Variants in ATP2C1 observed in about 807,000 individuals in gnomAD.
ATP2C1 encodes ATPase secretory pathway Ca2+ transporting 1, also known as calcium-transporting ATPase type 2C member 1.
A neutral mutation model predicts 120.5 loss-of-function variants in ATP2C1; 31 were observed. The ratio of observed to expected loss-of-function variants is 0.26; its 90% CI spans 0.19 to 0.35. The LOEUF (loss-of-function observed/expected upper bound fraction) is 0.35, where lower values mean the gene tolerates loss of function less well. ATP2C1 is among the 10% of genes least tolerant of loss of function. The probability of loss-of-function intolerance (pLI) is 1.00; values close to 1 mark genes in which losing one functional copy is unlikely to be tolerated. For synonymous variants in ATP2C1, 351 were observed against 358.7 expected, an observed-to-expected ratio of 0.98 and a Z score of 0.24; for missense variants, 731 against 1,107.5, an observed-to-expected ratio of 0.66 and a Z score of 4.83.
chr3:130,995,336 C>T (rs2062561199), intron 22 of ATP2C1, among the ~76,000 whole-genome samples: 1 of 151,646 alleles, frequency 6.6e-6, no homozygotes, highest in East Asian at 1.9e-4. Flanking sequence ...ATTGCTTGAG[C>T]CAAGAAGGTC....
rs772835113 is a variant in ATP2C1, at chr3:130,956,203, A to G, written c.832+24A>G. ...AGGTAAGAGAAGAGTGAGTATGTAT[A>G]TATTTTTATTTGAGTTTTGTTTTTT... is the stretch of plus-strand genomic sequence containing the variant. On this transcript the variant is annotated intron_variant, in intron 11 of 27. Transcript: ENST00000510168. 4.1e-6 allele frequency: 6 copies of G among 1,466,140 alleles called. No homozygotes were observed. The Admixed American group carries it at 5.1e-5, about 12-fold the overall frequency. 90.8% of individuals were successfully genotyped at this position (1,466,140 alleles called of 1,614,324 possible). A position where few individuals can be genotyped will look rare whatever the true frequency, so the allele number is the denominator to read the frequency against.
At chr3:130,989,352 G>T (rs1420027081) in intron 20 of ATP2C1, among the ~76,000 whole-genome samples, 1 of 151,786 alleles carries the variant, frequency 6.6e-6, no homozygotes, top group East Asian at 1.9e-4. Flanking sequence ...ATCATCTGAG[G>T]TTGGGAGTTC....
At chr3:130,865,094 A>G (rs2068125968) in intron 1 of ATP2C1, among the ~76,000 whole-genome samples, 2 of 152,222 alleles carry the variant, frequency 1.3e-5, no homozygotes, top group Admixed American at 1.3e-4. Context: ...CTGCAAAGCC[A>G]CAGGGGTGGA....
intron 2 of ATP2C1, among the ~76,000 whole-genome samples, chr3:130,915,325 C>G (rs1259790653): frequency 6.6e-6 from 1 of 152,096 alleles, no homozygotes; most frequent in African/African-American, 2.4e-5. Flanking sequence ...AACTCCTGAC[C>G]TCAAGTGATC....
Position 130,979,346 on chromosome 3 carries a change from T to G in ATP2C1, c.1668T>G (p.Val556=). 6.2e-7 allele frequency: 1 copy of G among 1,613,742 alleles called. No individual in the cohort carries two copies. The highest frequency in any genetic ancestry group is 8.5e-7 in the Non-Finnish European group (1 of 1,179,756). ...DPPRTGVKEA[V]TTLIASGVSI... Reference sequence around the variant, plus strand: ...CTAGAACTGGTGTGAAAGAAGCTGTTACAACACTCATTGCCTCAGGAGTAT... The same window carrying G: ...CTAGAACTGGTGTGAAAGAAGCTGTGACAACACTCATTGCCTCAGGAGTAT... The change falls in exon 19 of 28, where the codon GTT becomes GTG. Residue 556 remains valine, a synonymous_variant. Coordinates refer to ENST00000510168, the MANE Select transcript of ATP2C1 (RefSeq NM_001378687.1).
intron 2 of ATP2C1, chr3:130,918,576 G>C (rs374949182): frequency 9.6e-6 from 7 of 730,556 alleles, no homozygotes; most frequent in African/African-American, 8.6e-5. Flanking sequence ...CCAGCGCCCT[G>C]GCCATAAACT....
intron 1 of ATP2C1, among the ~76,000 whole-genome samples, chr3:130,867,484 G>A (rs1267938216): frequency 1.3e-5 from 2 of 149,646 alleles, no homozygotes; most frequent in African/African-American, 2.5e-5. Flanking sequence ...TGGAGACGGG[G>A]TTTCGCTGTG....
chr3:130,976,179 A>C (rs562615873), intron 18 of ATP2C1, among the ~76,000 whole-genome samples: 139 of 152,350 alleles, frequency 9.1e-4, no homozygotes, highest in African/African-American at 3.2e-3. Flanking sequence ...ATAGGAGTCT[A>C]AGCACTACAA....
At chr3:130,983,799 C>G (rs72985781) in intron 20 of ATP2C1, among the ~76,000 whole-genome samples, 71 of 152,236 alleles carry the variant, frequency 4.7e-4, no homozygotes, top group African/African-American at 1.7e-3. Flanking sequence ...TTTCACTAAG[C>G]AACATGCATT....
intron 16 of ATP2C1, among the ~76,000 whole-genome samples, chr3:130,968,332 G>A (rs1440328796): frequency 6.6e-6 from 1 of 152,090 alleles, no homozygotes; most frequent in Non-Finnish European, 1.5e-5. Flanking sequence ...CTTTTTATGG[G>A]CAGAGACCTC....
chr3:130,962,413 T>G (rs2060858810), intron 12 of ATP2C1, among the ~76,000 whole-genome samples: 1 of 151,888 alleles, frequency 6.6e-6, no homozygotes, highest in South Asian at 2.1e-4. Context: ...TAGCGCCTGT[T>G]AGAAATATTT....
At chr3:130,885,550 C>G (rs1046743380) in intron 1 of ATP2C1, among the ~76,000 whole-genome samples, 1 of 151,566 alleles carries the variant, frequency 6.6e-6, no homozygotes, top group South Asian at 2.1e-4. Flanking sequence ...ATCTTATAAC[C>G]CATTATTTTA....
At chr3:130,931,685 TA>T (rs1197851887) in intron 3 of ATP2C1, among the ~76,000 whole-genome samples, 1 of 152,212 alleles carries the variant, frequency 6.6e-6, no homozygotes, top group East Asian at 1.9e-4. Context: ...ACATTTTTTT[TA>T]AAAAATCAAT....
intron 2 of ATP2C1, among the ~76,000 whole-genome samples, chr3:130,915,102 T>C (rs535200893): frequency 7.3e-4 from 109 of 149,884 alleles, no homozygotes; most frequent in Middle Eastern, 6.9e-3. Context: ...TTTTTTTTTT[T>C]CCCCCCCTTG....
At chr3:130,932,615 C>T (rs2059495603) in intron 4 of ATP2C1, among the ~76,000 whole-genome samples, 1 of 151,984 alleles carries the variant, frequency 6.6e-6, no homozygotes, top group South Asian at 2.1e-4. Flanking sequence ...ATAGTTAGCT[C>T]TCAGTAGATG....
chr3:130,961,821 G>T (rs1345002166), intron 12 of ATP2C1, among the ~76,000 whole-genome samples: 1 of 151,988 alleles, frequency 6.6e-6, no homozygotes, highest in Non-Finnish European at 1.5e-5. Context: ...CAAATCAGAA[G>T]ATCAGTGCAA....
intron 2 of ATP2C1, among the ~76,000 whole-genome samples, chr3:130,904,014 G>T (rs2058006730): frequency 6.6e-6 from 1 of 152,082 alleles, no homozygotes; most frequent in East Asian, 1.9e-4. Flanking sequence ...TTCAGATGTA[G>T]TTAACTGTTG....
intron 1 of ATP2C1, among the ~76,000 whole-genome samples, chr3:130,874,267 G>A (rs964579568): frequency 6.6e-5 from 10 of 152,076 alleles, no homozygotes; most frequent in Admixed American, 2.6e-4. Context: ...GAGTGATAAG[G>A]AAAACTTGTC....
chr3:130,908,334 A>G (rs1215302854), intron 2 of ATP2C1, among the ~76,000 whole-genome samples: 1 of 152,126 alleles, frequency 6.6e-6, no homozygotes, highest in Non-Finnish European at 1.5e-5. Context: ...AGGACTAGTT[A>G]AAATTGAAGT....
Sources: gnomAD v4.1 joint callset for allele counts (sites outside exome capture counted in the v4.1 genomes callset) on GRCh38, gnomAD v4.1.1 for gene constraint, MANE v1.5 for transcripts, NCBI Gene and HGNC (gene_info 2026-07-23, HGNC 2026-07-21) for gene names.